CHD9: variants seen among roughly 807,000 people sequenced by gnomAD.
The protein encoded by CHD9 is ATP-dependent chromatin remodeler CHD9.
Under a neutral mutation model 316.1 loss-of-function variants are expected in CHD9, and 77 were observed. That is an observed-to-expected ratio of 0.24 (90% CI 0.20 to 0.29). CHD9 has a LOEUF of 0.29. CHD9 is among the 10% of genes least tolerant of loss of function. The pLI, the probability that CHD9 is intolerant of heterozygous loss-of-function variation, is 1.00. For missense variants in CHD9, 2,763 were observed against 3,438.1 expected (o/e 0.80, Z 4.91); for synonymous variants, 1,129 against 1,158.3 (o/e 0.97, Z 0.51).
At chr16:53,184,416 A>G (rs2043809047) in intron 2 of CHD9, among the ~76,000 whole-genome samples, 1 of 152,136 alleles carries the variant, frequency 6.6e-6, no homozygotes, top group African/African-American at 2.4e-5. Flanking sequence ...GGCTCACTGC[A>G]GCCTCAACCT....
intron 2 of CHD9, among the ~76,000 whole-genome samples, chr16:53,160,644 C>T (rs1036748746): frequency 6.6e-6 from 1 of 152,126 alleles, no homozygotes; most frequent in Non-Finnish European, 1.5e-5. Context: ...CAGTGGCTCA[C>T]GCCTGTAATC....
Position 53,296,946 on chromosome 16 carries a change from C to A in CHD9, c.5511-10C>A. 2 of 1,599,886 alleles carry A rather than the reference C, an allele frequency of 1.3e-6. No individual in the cohort carries two copies. The highest frequency in any genetic ancestry group is 1.7e-6 in the Non-Finnish European group (2 of 1,170,506). The stretch of plus-strand genomic sequence containing the variant: ...AGTGTGGTTTTTTTCTTTAATCTGA[C>A]TCAAAATAGATGGACAAGAAGAGAA... On this transcript the variant is annotated splice_polypyrimidine_tract_variant and intron_variant, in intron 29 of 38. Coordinates refer to ENST00000447540, the MANE Select transcript of CHD9 (RefSeq NM_001308319.2).
intron 19 of CHD9, among the ~76,000 whole-genome samples, chr16:53,261,907 G>T (rs968990525): frequency 6.6e-6 from 1 of 152,000 alleles, no homozygotes; most frequent in African/African-American, 2.4e-5. Flanking sequence ...CAATTCCTTG[G>T]TATTAATTAT....
intron 2 of CHD9, among the ~76,000 whole-genome samples, chr16:53,179,872 G>A (rs1429249535): frequency 6.6e-6 from 1 of 151,088 alleles, no homozygotes; most frequent in South Asian, 2.1e-4. Context: ...ACCCTACCCT[G>A]GGCGACGGAG....
Position 53,304,474 on chromosome 16 carries a change from C to T in CHD9, c.6468C>T (p.Cys2156=), listed in dbSNP as rs1055287059. ...RSSSSSSSSS[C]SHSRSGSSSS... is the part of the protein sequence containing the mutation. ...CTTCTTCCTCATCATCCTCTTCTTG[C>T]TCCCACTCTCGATCAGGCTCTAGTT... Residue 2156 remains cysteine, a synonymous_variant, in exon 31 of 39, where the codon TGC becomes TGT. Transcript: ENST00000447540. 6 of 1,561,988 alleles carry T rather than the reference C, an allele frequency of 3.8e-6. No individual in the cohort carries two copies. Among genetic ancestry groups the T allele is most frequent in the African/African-American group, 2.7e-5 (2 of 73,400 alleles).
chr16:53,099,997 C>T (rs962943649), intron 1 of CHD9, among the ~76,000 whole-genome samples: 5 of 152,192 alleles, frequency 3.3e-5, no homozygotes, highest in African/African-American at 1.2e-4. Flanking sequence ...CTGGCGGCCG[C>T]GTGCTTCCTC....
intron 1 of CHD9, among the ~76,000 whole-genome samples, chr16:53,061,847 T>C (rs1012448725): frequency 2.6e-5 from 4 of 152,242 alleles, no homozygotes; most frequent in African/African-American, 9.6e-5. Flanking sequence ...GCACCCATAG[T>C]GTCTCCAACA....
intron 17 of CHD9, among the ~76,000 whole-genome samples, chr16:53,253,664 G>A (rs1391818492): frequency 6.6e-6 from 1 of 152,020 alleles, no homozygotes; most frequent in African/African-American, 2.4e-5. Context: ...TAGAAATTTA[G>A]CGTTAGACTT....
chr16:53,056,927 C>T (rs2032201088), intron 1 of CHD9, among the ~76,000 whole-genome samples: 1 of 151,508 alleles, frequency 6.6e-6, no homozygotes, highest in African/African-American at 2.4e-5. Context: ...GCAGGAGGAT[C>T]GCTTGAGGCT....
intron 2 of CHD9, among the ~76,000 whole-genome samples, chr16:53,192,219 TAGAA>T (rs2044537903): frequency 6.6e-6 from 1 of 152,186 alleles, no homozygotes; most frequent in African/African-American, 2.4e-5. Flanking sequence ...CAGTAGATTA[TAGAA>T]AGAAGTCTAA....
chr16:53,070,532 C>CCTTCCT (rs1367427732), intron 1 of CHD9, among the ~76,000 whole-genome samples: 16 of 20,504 alleles, frequency 7.8e-4, no homozygotes, highest in South Asian at 3.2e-3. Flanking sequence ...TTCCTTCCTT[C>CCTTCCT]CTCTCTCTCT....
chr16:53,214,756 C>T (rs1380310609), intron 3 of CHD9, among the ~76,000 whole-genome samples: 2 of 151,984 alleles, frequency 1.3e-5, no homozygotes, highest in African/African-American at 4.8e-5. Flanking sequence ...ATAGATGTAC[C>T]ATATTTTATT....
chr16:53,233,807 A>G (rs117349841), intron 10 of CHD9, among the ~76,000 whole-genome samples: 1 of 152,330 alleles, frequency 6.6e-6, no homozygotes, highest in East Asian at 1.9e-4. Flanking sequence ...CATATTTCAC[A>G]ATATCACACC....
chr16:53,168,014 G>C (rs575419240), intron 2 of CHD9, among the ~76,000 whole-genome samples: 9 of 152,024 alleles, frequency 5.9e-5, no homozygotes, highest in Non-Finnish European at 1.3e-4. Context: ...GAAACATTGA[G>C]TATAATTAGA....
At chr16:53,173,750 T>C (rs986611123) in intron 2 of CHD9, among the ~76,000 whole-genome samples, 1 of 152,100 alleles carries the variant, frequency 6.6e-6, no homozygotes, top group Non-Finnish European at 1.5e-5. Context: ...TTCACCGTGT[T>C]AGCCAGGATG....
At chr16:53,211,992 A>T (rs958617194) in intron 3 of CHD9, among the ~76,000 whole-genome samples, 6 of 152,182 alleles carry the variant, frequency 3.9e-5, no homozygotes, top group African/African-American at 1.4e-4. Context: ...CTCATTTAAA[A>T]TTTTTTATTT....
In CHD9 at chr16:53,156,438, G is replaced by A; in HGVS notation, c.349G>A (p.Asp117Asn). Residue 117 changes from aspartate to asparagine, a missense_variant, in exon 2 of 39, where the codon GAT (aspartate) becomes AAT (asparagine). Physicochemically the swap from Asp to Asn is conservative, Grantham distance 23. Coordinates refer to ENST00000447540, the MANE Select transcript of CHD9 (RefSeq NM_001308319.2). Reference sequence around the variant, plus strand: ...AAACCAACCCAATGGTTTGTTTCCAGATGTATCAGATGGCAGTCCAATGTG... The same window carrying A: ...AAACCAACCCAATGGTTTGTTTCCAAATGTATCAGATGGCAGTCCAATGTG... Reference protein sequence around the residue: ...PQNQPNGLFPDVSDGSPMWGH... With the variant: ...PQNQPNGLFPNVSDGSPMWGH... The A allele has an allele frequency of 6.2e-7, 1 of 1,613,946 alleles. No individual in the cohort carries two copies. Among genetic ancestry groups the A allele is most frequent in the Non-Finnish European group, 8.5e-7 (1 of 1,179,872 alleles).
intron 2 of CHD9, among the ~76,000 whole-genome samples, chr16:53,209,069 G>A (rs1394766044): frequency 1.3e-5 from 2 of 152,080 alleles, no homozygotes; most frequent in African/African-American, 4.8e-5. Flanking sequence ...ATAATAAACT[G>A]TATGGAGTAA....
At chr16:53,296,811 G>A (rs1478799591) in intron 29 of CHD9, 145 bp from the exon 30 acceptor site, 3 of 575,980 alleles carry the variant, frequency 5.2e-6, no homozygotes, top group Non-Finnish European at 8.9e-6. Flanking sequence ...ATTTAAAAAT[G>A]TTTTACAAGG....
Sources: gnomAD v4.1 joint callset for allele counts (sites outside exome capture counted in the v4.1 genomes callset) on GRCh38, gnomAD v4.1.1 for gene constraint, MANE v1.5 for transcripts, NCBI Gene and HGNC (gene_info 2026-07-23, HGNC 2026-07-21) for gene names.